The following TMEM117 variants were observed in gnomAD, a reference collection of about 807,000 sequenced individuals.
The protein encoded by TMEM117 is transmembrane protein 117.
In TMEM117, 27 loss-of-function variants were observed where a neutral mutation model predicts 52.4. The ratio of observed to expected loss-of-function variants is 0.51; its 90% CI spans 0.38 to 0.71. The LOEUF is 0.71. Among genes scored for constraint, TMEM117 ranks in the 30% least tolerant of loss-of-function variants. TMEM117 has a pLI of 0.00. For synonymous variants in TMEM117, 215 were observed against 206.3 expected (o/e 1.04, Z -0.36); for missense variants, 556 against 630.5 (o/e 0.88, Z 1.26).
chr12:43,919,849 T>G (rs1944662981), intron 2 of TMEM117, among the ~76,000 whole-genome samples: 1 of 111,588 alleles, frequency 9.0e-6, no homozygotes, highest in South Asian at 2.7e-4. Context: ...AGGTGATATC[T>G]CATTGTGGTT....
At chr12:43,927,778 C>T (rs917202424) in intron 2 of TMEM117, among the ~76,000 whole-genome samples, 1 of 151,990 alleles carries the variant, frequency 6.6e-6, no homozygotes, top group Non-Finnish European at 1.5e-5. Context: ...CAGCCTATTA[C>T]TTCCAACACT....
intron 5 of TMEM117, among the ~76,000 whole-genome samples, chr12:44,244,684 G>A (rs548183942): frequency 6.6e-6 from 1 of 151,938 alleles, no homozygotes; most frequent in East Asian, 1.9e-4. Context: ...CCTTGGCTAT[G>A]CAGTAGGCTT....
intron 7 of TMEM117, among the ~76,000 whole-genome samples, chr12:44,383,429 A>G (rs1053784144): frequency 2.0e-5 from 3 of 152,198 alleles, no homozygotes; most frequent in African/African-American, 7.2e-5. Context: ...GTAAAAAGAT[A>G]AAATTTTCAT....
chr12:44,383,072 G>T (rs904808462), intron 7 of TMEM117, among the ~76,000 whole-genome samples: 3 of 152,092 alleles, frequency 2.0e-5, no homozygotes, highest in Non-Finnish European at 4.4e-5. Flanking sequence ...TCCCATGATG[G>T]TTGCTGAATG....
At chr12:44,212,160 T>C (rs1326600651) in intron 5 of TMEM117, among the ~76,000 whole-genome samples, 1 of 152,208 alleles carries the variant, frequency 6.6e-6, no homozygotes, top group Admixed American at 6.5e-5. Context: ...AGTCTGAAAA[T>C]ATTAAATGGA....
At chr12:44,115,257 A>G (rs1205008956) in intron 3 of TMEM117, among the ~76,000 whole-genome samples, 1 of 152,170 alleles carries the variant, frequency 6.6e-6, no homozygotes, top group Non-Finnish European at 1.5e-5. Flanking sequence ...GAATTGAACA[A>G]TGAGAACACT....
chr12:44,094,614 C>T (rs561560575), intron 3 of TMEM117, among the ~76,000 whole-genome samples: 1 of 152,146 alleles, frequency 6.6e-6, no homozygotes, highest in East Asian at 1.9e-4. Flanking sequence ...ACAAATATCC[C>T]CTTAAACCTT....
chr12:44,298,286 G>A (rs190851025), intron 5 of TMEM117, among the ~76,000 whole-genome samples: 3 of 150,590 alleles, frequency 2.0e-5, no homozygotes, highest in Admixed American at 6.6e-5. Context: ...GGGCAAAAAC[G>A]GTTTTGTTAA....
At chr12:44,076,317 G>A (rs772564065) in intron 3 of TMEM117, among the ~76,000 whole-genome samples, 4 of 152,154 alleles carry the variant, frequency 2.6e-5, no homozygotes, top group Non-Finnish European at 5.9e-5. Flanking sequence ...CTTGATATAT[G>A]AGCCTCTTTT....
At chr12:43,998,837 T>G (rs573177558) in intron 3 of TMEM117, among the ~76,000 whole-genome samples, 2 of 152,192 alleles carry the variant, frequency 1.3e-5, no homozygotes, top group African/African-American at 4.8e-5. Context: ...CAACTCAAAT[T>G]TAGAATCAAA....
At chr12:44,337,494 G>C (rs1951356882) in intron 6 of TMEM117, among the ~76,000 whole-genome samples, 1 of 152,028 alleles carries the variant, frequency 6.6e-6, no homozygotes, top group Admixed American at 6.6e-5. Context: ...ATGTCACAGA[G>C]CTGCTTTGTG....
In TMEM117 at chr12:43,989,532, T is replaced by C. The variant is rs189599308; in HGVS notation, c.410+45190T>C. ...CTCTTTTTTCAAAGAATGGTTGATA[T>C]CTGTGAAAGCAGAGTAACATTTGGA... is the stretch of plus-strand genomic sequence containing the variant. On this transcript the variant is annotated intron_variant, in intron 3 of 7. Coordinates refer to ENST00000266534, the MANE Select transcript of TMEM117 (RefSeq NM_032256.3). Among the ~76,000 whole-genome samples, 94 of 152,266 alleles carry C rather than the reference T, an allele frequency of 6.2e-4. 6 individuals are homozygous for C. The South Asian group carries it at 0.019, about 31-fold the overall frequency.
intron 3 of TMEM117, among the ~76,000 whole-genome samples, chr12:44,077,102 A>T (rs1185434283): frequency 6.6e-6 from 1 of 152,164 alleles, no homozygotes; most frequent in East Asian, 1.9e-4. Flanking sequence ...GGGAGTTAAC[A>T]AATAGAAAAT....
intron 3 of TMEM117, among the ~76,000 whole-genome samples, chr12:43,970,140 T>G (rs1291593872): frequency 6.6e-6 from 1 of 152,172 alleles, no homozygotes; most frequent in African/African-American, 2.4e-5. Context: ...CAGGTCTCGG[T>G]TATCACCGTC....
chr12:44,276,728 A>G (rs1335335700), intron 5 of TMEM117, among the ~76,000 whole-genome samples: 1 of 152,224 alleles, frequency 6.6e-6, no homozygotes, highest in Non-Finnish European at 1.5e-5. Context: ...CATATATCAA[A>G]GCATTATGTT....
At chr12:44,296,953 G>A (rs910780131) in intron 5 of TMEM117, among the ~76,000 whole-genome samples, 2 of 152,188 alleles carry the variant, frequency 1.3e-5, no homozygotes, top group East Asian at 1.9e-4. Context: ...CCTGGCAACT[G>A]GGTACAAGCC....
At chr12:43,862,346 T>G (rs1943505388) in intron 2 of TMEM117, among the ~76,000 whole-genome samples, 1 of 152,172 alleles carries the variant, frequency 6.6e-6, no homozygotes, top group African/African-American at 2.4e-5. Context: ...TTTTTTGCAT[T>G]TTTAGTAGAG....
At chr12:44,170,253 A>G (rs1949026023) in intron 4 of TMEM117, among the ~76,000 whole-genome samples, 1 of 130,700 alleles carries the variant, frequency 7.7e-6, no homozygotes, top group Non-Finnish European at 1.5e-5. Context: ...ATGAGAACAC[A>G]TGGACACAGG....
chr12:44,127,276 T>A (rs1001531704), intron 3 of TMEM117, among the ~76,000 whole-genome samples: 1 of 152,198 alleles, frequency 6.6e-6, no homozygotes, highest in African/African-American at 2.4e-5. Flanking sequence ...CTATGATAGT[T>A]TTATGTATCA....
Sources: gnomAD v4.1 joint callset for allele counts (sites outside exome capture counted in the v4.1 genomes callset) on GRCh38, gnomAD v4.1.1 for gene constraint, MANE v1.5 for transcripts, NCBI Gene and HGNC (gene_info 2026-07-23, HGNC 2026-07-21) for gene names.